SV2B: variants seen among roughly 807,000 people sequenced by gnomAD.
SV2B encodes the protein solute carrier family 22 member B2.
SV2B carries 41 observed loss-of-function variants against 73.9 expected under a neutral mutation model. That is an observed-to-expected ratio of 0.56 (90% CI 0.43 to 0.72). The LOEUF (loss-of-function observed/expected upper bound fraction) is 0.72, where lower values mean the gene tolerates loss of function less well. Among genes scored for constraint, SV2B ranks in the 30% least tolerant of loss-of-function variants. SV2B has a pLI of 0.00. For synonymous variants in SV2B, 314 were observed against 314.2 expected (o/e 1.00, Z 0.01); for missense variants, 764 against 857.8 (o/e 0.89, Z 1.37).
rs1454182250 is a variant in SV2B, at chr15:91,252,056, G to C, written c.632+57G>C. 5.1e-6 allele frequency: 8 copies of C among 1,579,844 alleles called. No individual in the cohort carries two copies. The highest frequency in any genetic ancestry group is 6.9e-6 in the Non-Finnish European group (8 of 1,161,252). Reference sequence around the variant, plus strand: ...CCCAGACCAATGGCCCATCCATTCTGGTATTCTAGCTCCAAGAGGTAACTC... The same window carrying C: ...CCCAGACCAATGGCCCATCCATTCTCGTATTCTAGCTCCAAGAGGTAACTC... On this transcript the variant is annotated intron_variant, in intron 3 of 12. Coordinates refer to ENST00000394232, the MANE Select transcript of SV2B (RefSeq NM_001323032.3). The surrounding 1 kb of genome is among the most constrained non-coding windows in gnomAD (Gnocchi z 4.6).
At chr15:91,187,602 G>A (rs2044824234) in intron 1 of SV2B, among the ~76,000 whole-genome samples, 4 of 151,728 alleles carry the variant, frequency 2.6e-5, no homozygotes, top group Admixed American at 6.6e-5. Context: ...TCTGTCAAGT[G>A]CTACTTGATG....
rs749832098 is a variant in SV2B at position 91,117,761 on chromosome 15, A to G, written c.-392+17398A>G. 4.1e-4 allele frequency among the ~76,000 whole-genome samples: 62 copies of G among 152,230 alleles called. 1 individual carries two copies. Among genetic ancestry groups the G allele is most frequent in the Admixed American group, 8.5e-4 (13 of 15,288 alleles). The stretch of plus-strand genomic sequence containing the variant: ...TAAAGTGCGAAAGTATACTCTTCTC[A>G]CAGTAGAAGACATGGCAAAGTGACA... On this transcript the variant is annotated intron_variant, in intron 1 of 12. Coordinates refer to ENST00000394232, the MANE Select transcript of SV2B (RefSeq NM_001323032.3).
intron 2 of SV2B, among the ~76,000 whole-genome samples, chr15:91,249,870 CA>C (rs1327351688): frequency 6.6e-6 from 1 of 152,130 alleles, no homozygotes; most frequent in Admixed American, 6.5e-5. Flanking sequence ...AATTAGTAAC[CA>C]AAAACCTCTC....
Position 91,227,407 on chromosome 15 carries a change from C to T in SV2B, c.451+693C>T, listed in dbSNP as rs536728789. ...GAGAGGATTTGTGAAATTAGAGAGACGGTGTGCACAAATGGTGTGATGTAG... is the reference window on the plus strand; with the variant it reads ...GAGAGGATTTGTGAAATTAGAGAGATGGTGTGCACAAATGGTGTGATGTAG... On this transcript the variant is annotated intron_variant, in intron 2 of 12. Coordinates refer to ENST00000394232, the MANE Select transcript of SV2B (RefSeq NM_001323032.3). This position sits in a 1 kb window ranked among gnomAD's most constrained non-coding sequence, Gnocchi z 4.5. Among the ~76,000 whole-genome samples the T allele has an allele frequency of 6.1e-4, 93 of 152,162 alleles. No homozygotes were observed. Among genetic ancestry groups the T allele is most frequent in the Non-Finnish European group, 1.1e-3 (77 of 68,040 alleles).
chr15:91,177,066 G>T (rs1406742430), intron 1 of SV2B, among the ~76,000 whole-genome samples: 2 of 149,576 alleles, frequency 1.3e-5, no homozygotes, highest in Non-Finnish European at 3.0e-5. Context: ...ATTAATTTTT[G>T]TATAAGGTGT....
At chr15:91,134,860 G>A (rs528914556) in intron 1 of SV2B, among the ~76,000 whole-genome samples, 523 of 152,238 alleles carry the variant, frequency 3.4e-3, no homozygotes, top group Non-Finnish European at 6.1e-3. Context: ...GTGGGATTGA[G>A]TCCCACCTAT....
At chr15:91,189,784 C>T (rs781755367) in intron 1 of SV2B, among the ~76,000 whole-genome samples, 7 of 152,150 alleles carry the variant, frequency 4.6e-5, no homozygotes, top group African/African-American at 9.7e-5. Flanking sequence ...GTCAGGAGAT[C>T]GAGACCGTCC....
intron 9 of SV2B, among the ~76,000 whole-genome samples, chr15:91,279,825 T>C (rs2141751634): frequency 6.6e-6 from 1 of 152,378 alleles, no homozygotes; most frequent in Non-Finnish European, 1.5e-5. Flanking sequence ...GTCTAGCTTA[T>C]ACATTTTGAC....
In SV2B at chr15:91,230,947, G is replaced by A. The variant is rs192497961; in HGVS notation, c.451+4233G>A. ...AGAGCTTGAGGTTGATGGGCTGGGG[G>A]GCGTTCTGGAGTTAGGTGATTTGTT... On this transcript the variant is annotated intron_variant, in intron 2 of 12. Transcript: ENST00000394232. Among the ~76,000 whole-genome samples the A allele has an allele frequency of 5.3e-3, 809 of 152,270 alleles. 7 individuals are homozygous for A. Among genetic ancestry groups the A allele is most frequent in the African/African-American group, 0.018 (758 of 41,534 alleles).
At chr15:91,104,212 GT>G (rs1158408811) in intron 1 of SV2B, among the ~76,000 whole-genome samples, 1 of 152,200 alleles carries the variant, frequency 6.6e-6, no homozygotes, top group African/African-American at 2.4e-5. Context: ...GTTCTGAGTT[GT>G]GCTTGCTTGA....
At chr15:91,167,615 C>G (rs910840097) in intron 1 of SV2B, among the ~76,000 whole-genome samples, 18 of 152,124 alleles carry the variant, frequency 1.2e-4, no homozygotes, top group African/African-American at 3.6e-4. Flanking sequence ...TATAGAAGGG[C>G]CCTGTGATTA....
chr15:91,268,640 GGT>G lies in SV2B; in HGVS notation c.1373+37_1373+38del, dbSNP rs757743843. ...TGATCACGGGCTTCCCTCACATCAG[GGT>G]GACAGTCGTGGGGACTGTTATTGGG... On this transcript the variant is annotated intron_variant, in intron 9 of 12. Coordinates refer to ENST00000394232, the MANE Select transcript of SV2B (RefSeq NM_001323032.3). The surrounding 1 kb of genome is among the most constrained non-coding windows in gnomAD (Gnocchi z 4.4). 7.5e-6 allele frequency: 12 copies of G among 1,596,780 alleles called. No individual in the cohort carries two copies. The Admixed American group carries it at 1.7e-4, about 22-fold the overall frequency.
chr15:91,228,914 A>G (rs1024242708), intron 2 of SV2B, among the ~76,000 whole-genome samples: 1 of 152,244 alleles, frequency 6.6e-6, no homozygotes, highest in East Asian at 1.9e-4. Flanking sequence ...CAGAGTCACC[A>G]TGTCGGTTAG....
chr15:91,206,300 C>A (rs1394942256), intron 1 of SV2B, among the ~76,000 whole-genome samples: 2 of 151,556 alleles, frequency 1.3e-5, no homozygotes, highest in Non-Finnish European at 2.9e-5. Flanking sequence ...CCTTGGCCTC[C>A]CAAAGTGCTG....
chr15:91,238,482 C>T (rs1207031798), intron 2 of SV2B, among the ~76,000 whole-genome samples: 1 of 152,230 alleles, frequency 6.6e-6, no homozygotes, highest in Non-Finnish European at 1.5e-5. Flanking sequence ...TGCTGTCCCA[C>T]CCCTGGAAGA....
intron 1 of SV2B, among the ~76,000 whole-genome samples, chr15:91,200,458 C>A (rs1363176516): frequency 6.6e-6 from 1 of 152,096 alleles, no homozygotes; most frequent in Non-Finnish European, 1.5e-5. Context: ...AGAGGGGTGT[C>A]CACTGGGGCT....
chr15:91,199,397 G>A (rs766424355), intron 1 of SV2B, among the ~76,000 whole-genome samples: 1 of 152,190 alleles, frequency 6.6e-6, no homozygotes, highest in Non-Finnish European at 1.5e-5. Flanking sequence ...CAGAATCTTG[G>A]TGGTGATAAT....
intron 1 of SV2B, among the ~76,000 whole-genome samples, chr15:91,219,315 T>C (rs1273564056): frequency 6.6e-6 from 1 of 152,124 alleles, no homozygotes; most frequent in Admixed American, 6.5e-5. Flanking sequence ...AGAATTATCC[T>C]TCCTTTCAGC....
At chr15:91,230,687 T>G (rs1252630923) in intron 2 of SV2B, among the ~76,000 whole-genome samples, 1 of 152,210 alleles carries the variant, frequency 6.6e-6, no homozygotes, top group Admixed American at 6.5e-5. Flanking sequence ...TTAATTAAAC[T>G]CTTCACCCAT....
Sources: gnomAD v4.1 joint callset for allele counts (sites outside exome capture counted in the v4.1 genomes callset) on GRCh38, gnomAD v4.1.1 for gene constraint, Gnocchi (gnomAD v3.1) non-coding constraint, MANE v1.5 for transcripts, NCBI Gene and HGNC (gene_info 2026-07-23, HGNC 2026-07-21) for gene names.